MDGA2: variants seen among roughly 807,000 people sequenced by gnomAD.
MDGA2 encodes the protein MAM domain-containing glycosylphosphatidylinositol anchor protein 2.
In MDGA2, 40 loss-of-function variants were observed where a neutral mutation model predicts 117.8. That is an observed-to-expected ratio of 0.34 (90% CI 0.26 to 0.44). MDGA2 has a LOEUF of 0.44. Among genes scored for constraint, MDGA2 ranks in the 20% least tolerant of loss-of-function variants. The probability of loss-of-function intolerance (pLI) is 1.00; values close to 1 mark genes in which losing one functional copy is unlikely to be tolerated. For missense variants in MDGA2, 1,123 were observed against 1,250.6 expected (o/e 0.90, Z 1.54); for synonymous variants, 452 against 439.0 (o/e 1.03, Z -0.37).
At chr14:47,110,827 C>A (rs1348562436) in intron 5 of MDGA2, among the ~76,000 whole-genome samples, 1 of 152,108 alleles carries the variant, frequency 6.6e-6, no homozygotes, top group Admixed American at 6.6e-5. Context: ...TTTGGCTACT[C>A]AAATGTCTAC....
At chr14:46,845,650 T>C (rs1880805190) in intron 16 of MDGA2, 116 bp downstream of exon 16, 1 of 625,964 alleles carries the variant, frequency 1.6e-6, no homozygotes, top group Non-Finnish European at 2.7e-6. Flanking sequence ...ATAAGAAATT[T>C]CTAAATAAAC....
At chr14:47,197,776 G>A (rs7143708) in intron 3 of MDGA2, among the ~76,000 whole-genome samples, 33,009 of 151,968 alleles carry the variant, frequency 0.22, 4,036 homozygotes, top group East Asian at 0.33. Flanking sequence ...GGGCATGGTG[G>A]TGTGCACCTG....
intron 3 of MDGA2, among the ~76,000 whole-genome samples, chr14:47,187,071 A>AGCT (rs969005074): frequency 1.5e-4 from 23 of 151,986 alleles, no homozygotes; most frequent in Admixed American, 1.4e-3. Flanking sequence ...AGTTAGCCAC[A>AGCT]GCTGCTGCAA....
At chr14:47,397,588 T>A (rs1390912061) in intron 1 of MDGA2, among the ~76,000 whole-genome samples, 1 of 151,986 alleles carries the variant, frequency 6.6e-6, no homozygotes, top group Non-Finnish European at 1.5e-5. Flanking sequence ...AAAGCCAAAA[T>A]AAAAGAAAGC....
At chr14:47,512,281 T>G (rs1894658069) in intron 1 of MDGA2, among the ~76,000 whole-genome samples, 2 of 152,196 alleles carry the variant, frequency 1.3e-5, no homozygotes, top group African/African-American at 4.8e-5. Flanking sequence ...GTCAGAATTT[T>G]TAAAAAGTGA....
intron 3 of MDGA2, among the ~76,000 whole-genome samples, chr14:47,175,571 C>A (rs1884403233): frequency 6.6e-6 from 1 of 151,898 alleles, no homozygotes; most frequent in African/African-American, 2.4e-5. Context: ...TCAATAGATG[C>A]AGAAAAGGCC....
chr14:47,100,671 A>C (rs1380225091), intron 5 of MDGA2, among the ~76,000 whole-genome samples: 1 of 152,188 alleles, frequency 6.6e-6, no homozygotes, highest in African/African-American at 2.4e-5. Context: ...AGACAGTATG[A>C]AATATTTATT....
intron 8 of MDGA2, among the ~76,000 whole-genome samples, chr14:47,025,295 T>C (rs1049406286): frequency 6.6e-6 from 1 of 152,162 alleles, no homozygotes; most frequent in Admixed American, 6.5e-5. Context: ...TTAGGTGACA[T>C]TTCTACATTA....
At chr14:47,599,169 T>G (rs540824930) in intron 1 of MDGA2, among the ~76,000 whole-genome samples, 2 of 152,106 alleles carry the variant, frequency 1.3e-5, no homozygotes, top group Admixed American at 1.3e-4. Flanking sequence ...CAAAATATCA[T>G]TATGCACAAA....
At chr14:47,463,621 A>T (rs1566469908) in intron 1 of MDGA2, among the ~76,000 whole-genome samples, 1 of 152,148 alleles carries the variant, frequency 6.6e-6, no homozygotes, top group South Asian at 2.1e-4. Flanking sequence ...TCACATATGT[A>T]AAGAGAGGGG....
intron 1 of MDGA2, among the ~76,000 whole-genome samples, chr14:47,552,684 T>C (rs969759301): frequency 6.6e-6 from 1 of 152,170 alleles, no homozygotes; most frequent in Non-Finnish European, 1.5e-5. Flanking sequence ...AGAGAAAAAG[T>C]CAGATCATGT....
intron 1 of MDGA2, among the ~76,000 whole-genome samples, chr14:47,524,786 A>G (rs1417538159): frequency 1.3e-5 from 2 of 152,182 alleles, no homozygotes; most frequent in African/African-American, 4.8e-5. Context: ...GGTAGCTCCA[A>G]TGCCTGTGAG....
At chr14:47,443,554 A>G (rs1409572945) in intron 1 of MDGA2, among the ~76,000 whole-genome samples, 3 of 152,164 alleles carry the variant, frequency 2.0e-5, no homozygotes, top group East Asian at 1.9e-4. Context: ...ATAAATATTC[A>G]TTGTTCTGCA....
chr14:47,089,856 G>GA (rs113476878), intron 6 of MDGA2, among the ~76,000 whole-genome samples: 126,318 of 149,874 alleles, frequency 0.84, 53,562 homozygotes, highest in East Asian at 0.97. Context: ...TTTTACTTCT[G>GA]AAAAAAAAAG....
intron 3 of MDGA2, among the ~76,000 whole-genome samples, chr14:47,217,003 A>G (rs901939526): frequency 3.3e-5 from 5 of 152,098 alleles, no homozygotes; most frequent in Admixed American, 2.6e-4. Context: ...GAAAGCAGGT[A>G]TCTGAGTGTG....
intron 1 of MDGA2, among the ~76,000 whole-genome samples, chr14:47,537,574 TAAAAAAAAAAAAAAAAA>T (rs58060138): frequency 2.0e-3 from 73 of 36,632 alleles, no homozygotes; most frequent in South Asian, 0.015. Context: ...TTCTCTCTGT[TAAAAAAAAAAAAAAAAA>T]AAAAAAAAAA....
In MDGA2 at chr14:47,437,188, T is replaced by C. The variant is rs1014110499; in HGVS notation, c.281-135638A>G. Among the ~76,000 whole-genome samples the C allele has an allele frequency of 3.4e-4, 51 of 152,070 alleles. 1 individual carries two copies. Among genetic ancestry groups the C allele is most frequent in the Admixed American group, 3.1e-3 (48 of 15,258 alleles). On this transcript the variant is annotated intron_variant, in intron 1 of 16. Coordinates refer to ENST00000399232, the MANE Select transcript of MDGA2 (RefSeq NM_001113498.3). ...ATCCCAAAGCAGTTAAGTAAGCATA[T>C]AACTGTATGAAATAATGGCTAACTA...
chr14:47,370,493 T>G (rs67045111), intron 1 of MDGA2, among the ~76,000 whole-genome samples: 68 of 68,448 alleles, frequency 9.9e-4, no homozygotes, highest in African/African-American at 2.3e-3. Context: ...TTTTTTTTTT[T>G]TTTTTGTGTG....
chr14:46,990,851 A>G (rs888634088), intron 8 of MDGA2, among the ~76,000 whole-genome samples: 7 of 129,754 alleles, frequency 5.4e-5, no homozygotes, highest in African/African-American at 8.8e-5. Context: ...TATATGGATT[A>G]GAACACACAC....
Sources: gnomAD v4.1 joint callset for allele counts (sites outside exome capture counted in the v4.1 genomes callset) on GRCh38, gnomAD v4.1.1 for gene constraint, MANE v1.5 for transcripts, NCBI Gene and HGNC (gene_info 2026-07-23, HGNC 2026-07-21) for gene names.